The following NOCT variants were observed in gnomAD, a reference collection of about 807,000 sequenced individuals.
NOCT encodes CCR4 carbon catabolite repression 4-like.
NOCT carries 18 observed loss-of-function variants against 35.0 expected under a neutral mutation model. The ratio of observed to expected loss-of-function variants is 0.51; its 90% CI spans 0.36 to 0.76. The LOEUF (loss-of-function observed/expected upper bound fraction) is 0.76, where lower values mean the gene tolerates loss of function less well. Among genes scored for constraint, NOCT ranks in the 30% least tolerant of loss-of-function variants. The pLI is 0.01. For synonymous variants in NOCT, 235 were observed against 226.3 expected (o/e 1.04, Z -0.34); for missense variants, 479 against 541.0 (o/e 0.89, Z 1.14).
At chr4:139,019,405 T>A (rs979642852) in intron 1 of NOCT, among the ~76,000 whole-genome samples, 1 of 152,156 alleles carries the variant, frequency 6.6e-6, no homozygotes, top group African/African-American at 2.4e-5. Flanking sequence ...GTAGACCTAT[T>A]AAGTCTGAGT....
At chr4:139,038,658 T>A (rs978131961) in intron 1 of NOCT, among the ~76,000 whole-genome samples, 2 of 152,198 alleles carry the variant, frequency 1.3e-5, no homozygotes, top group African/African-American at 4.8e-5. Flanking sequence ...AATTACTAAT[T>A]ATGATTGCTA....
Position 139,043,102 on chromosome 4 carries a change from A to G in NOCT, c.219A>G (p.Arg73=), listed in dbSNP as rs1201514164. 3 of 1,607,420 alleles carry G rather than the reference A, an allele frequency of 1.9e-6. No individual in the cohort carries two copies. Among genetic ancestry groups the G allele is most frequent in the Admixed American group, 1.7e-5 (1 of 59,852 alleles). Residue 73 remains arginine (R), a synonymous_variant, in exon 2 of 3, where the codon AGA becomes AGG. Transcript: ENST00000280614. ...GTTCCATGGGAACCGGTACAAGCAG[A>G]CTCTATAGTGCTCTCGCCAAGACAC... ...TVCSMGTGTS[R]LYSALAKTLN... is the part of the protein sequence containing the mutation.
chr4:139,031,879 A>G (rs1267085936), intron 1 of NOCT, among the ~76,000 whole-genome samples: 1 of 151,720 alleles, frequency 6.6e-6, no homozygotes, highest in Non-Finnish European at 1.5e-5. Flanking sequence ...CGCCCGGCTA[A>G]TTTTTGTATT....
At chr4:139,042,914 CAAAAAAA>C (rs375909985) in intron 1 of NOCT, among the ~76,000 whole-genome samples, 153 bp from the exon 2 acceptor site, 29 of 81,810 alleles carry the variant, frequency 3.5e-4, no homozygotes, top group African/African-American at 9.8e-4. Context: ...AACTCCATCT[CAAAAAAA>C]AAAAAAAAGA....
chr4:139,039,007 G>A (rs1334027557), intron 1 of NOCT, among the ~76,000 whole-genome samples: 1 of 151,996 alleles, frequency 6.6e-6, no homozygotes, highest in Non-Finnish European at 1.5e-5. Context: ...TCGTGAGTGT[G>A]TGTGTACTTA....
Position 139,037,563 on chromosome 4 carries a change from C to T in NOCT, c.191-5511C>T, listed in dbSNP as rs559711019. ...AGGATTACAGGTGTGAGCCACCACG[C>T]CTGGCCCAAGTTTTATTAATAGGAA... On this transcript the variant is annotated intron_variant, in intron 1 of 2. Transcript: ENST00000280614. Among the ~76,000 whole-genome samples, 3 of 152,250 alleles carry T rather than the reference C, an allele frequency of 2.0e-5. No individual in the cohort carries two copies. The East Asian group carries it at 5.8e-4, about 29-fold the overall frequency.
intron 1 of NOCT, among the ~76,000 whole-genome samples, chr4:139,031,134 C>T (rs1171594068): frequency 7.3e-5 from 11 of 151,022 alleles, no homozygotes; most frequent in East Asian, 3.9e-4. Context: ...GGAGAGTGGT[C>T]GGCCCTGAGT....
At chr4:139,024,066 T>A (rs1353593199) in intron 1 of NOCT, among the ~76,000 whole-genome samples, 18 of 132,432 alleles carry the variant, frequency 1.4e-4, no homozygotes, top group East Asian at 4.0e-4. Context: ...TTTTTTTTTT[T>A]AAATTATTTT....
intron 1 of NOCT, among the ~76,000 whole-genome samples, chr4:139,030,906 C>A (rs923738669): frequency 6.6e-6 from 1 of 152,142 alleles, no homozygotes; most frequent in Non-Finnish European, 1.5e-5. Flanking sequence ...TTCTAGGTTT[C>A]CTCGGGCGGA....
At chr4:139,031,167 TG>T (rs1395160532) in intron 1 of NOCT, among the ~76,000 whole-genome samples, 4 of 151,736 alleles carry the variant, frequency 2.6e-5, no homozygotes, top group Admixed American at 6.6e-5. Flanking sequence ...TTTTTTTTTT[TG>T]AGATGGAGTC....
At chr4:139,044,382 T>C (rs1283697854) in intron 2 of NOCT, among the ~76,000 whole-genome samples, 1 of 152,226 alleles carries the variant, frequency 6.6e-6, no homozygotes, top group Non-Finnish European at 1.5e-5. Context: ...GCAAAGCAGT[T>C]TCCTTAAGTA....
chr4:139,033,690 A>G lies in NOCT; in HGVS notation c.191-9384A>G, dbSNP rs906779220. ...GAGACCCTGTCTCCAAAAAAAAAAA[A>G]GGGGGAATGTAAAGTTGTTTTTTAA... On this transcript the variant is annotated intron_variant, in intron 1 of 2. Coordinates refer to ENST00000280614, the MANE Select transcript of NOCT (RefSeq NM_012118.4). 6.8e-4 allele frequency among the ~76,000 whole-genome samples: 103 copies of G among 151,030 alleles called. 1 individual carries two copies. Among genetic ancestry groups the G allele is most frequent in the South Asian group, 3.7e-3 (18 of 4,802 alleles).
At chr4:139,017,022 C>A (rs1726324537) in intron 1 of NOCT, among the ~76,000 whole-genome samples, 1 of 114,774 alleles carries the variant, frequency 8.7e-6, no homozygotes, top group Non-Finnish European at 1.8e-5. Context: ...ATTTTTTGTC[C>A]TGTGTATCTA....
At chr4:139,016,641 G>GTTTTTTTTTTTTTTTTTTTTT (rs10541748) in intron 1 of NOCT, among the ~76,000 whole-genome samples, 1 of 53,786 alleles carries the variant, frequency 1.9e-5, no homozygotes, top group African/African-American at 7.6e-5. Flanking sequence ...GTTTTACGTT[G>GTTTTTTTTTTTTTTTTTTTTT]TTTTTTTTTT....
chr4:139,039,066 G>A (rs749592842), intron 1 of NOCT, among the ~76,000 whole-genome samples: 7 of 148,136 alleles, frequency 4.7e-5, no homozygotes, highest in Non-Finnish European at 7.4e-5. Flanking sequence ...GTTGGGTGTG[G>A]TGGCTCATGC....
At chr4:139,038,873 G>C (rs924850721) in intron 1 of NOCT, among the ~76,000 whole-genome samples, 11 of 152,082 alleles carry the variant, frequency 7.2e-5, no homozygotes, top group Non-Finnish European at 1.3e-4. Flanking sequence ...TCTTACACCA[G>C]TGTTTCTGGT....
At position 139,043,071 on chromosome 4, in the gene NOCT, T is replaced by TAG. The variant is rs1338474432; in HGVS notation, c.191-2_191-1dup. 1 of 1,588,780 alleles carries TAG rather than the reference T, an allele frequency of 6.3e-7. No individual in the cohort carries two copies. Among genetic ancestry groups the TAG allele is most frequent in the Non-Finnish European group, 8.6e-7 (1 of 1,160,388 alleles). On this transcript the variant is annotated splice_region_variant and splice_polypyrimidine_tract_variant and intron_variant, in intron 1 of 2. Coordinates refer to ENST00000280614, the MANE Select transcript of NOCT (RefSeq NM_012118.4). ...TGTGTAACTGTGATTTCCTTTTCCGTAGTGTGTTCCATGGGAACCGGTACA... is the reference window on the plus strand; with the variant it reads ...TGTGTAACTGTGATTTCCTTTTCCGTAGAGTGTGTTCCATGGGAACCGGTACA...
chr4:139,040,562 C>T (rs1726818446), intron 1 of NOCT, among the ~76,000 whole-genome samples: 1 of 152,174 alleles, frequency 6.6e-6, no homozygotes, highest in African/African-American at 2.4e-5. Context: ...GGACATCCTT[C>T]CTTCTGCACA....
At chr4:139,022,992 T>C (rs1202169324) in intron 1 of NOCT, among the ~76,000 whole-genome samples, 1 of 151,776 alleles carries the variant, frequency 6.6e-6, no homozygotes, top group Admixed American at 6.6e-5. Flanking sequence ...TCCCAGCTAT[T>C]CGGGAGGCTG....
Sources: allele counts gnomAD v4.1 joint callset (sites outside exome capture counted in the v4.1 genomes callset), GRCh38; gene constraint gnomAD v4.1.1; transcripts MANE v1.5; gene names NCBI Gene and HGNC (gene_info 2026-07-23, HGNC 2026-07-21).